SCHIP1: variants seen among roughly 807,000 people sequenced by gnomAD.
SCHIP1 encodes schwannomin interacting protein 1.
In SCHIP1, 8 loss-of-function variants were observed where a neutral mutation model predicts 29.7. The observed-to-expected ratio is 0.27, with a 90% confidence interval of 0.16 to 0.49. SCHIP1 has a LOEUF of 0.49. SCHIP1 is among the 20% of genes least tolerant of loss of function. The probability of loss-of-function intolerance (pLI) is 0.99; values close to 1 mark genes in which losing one functional copy is unlikely to be tolerated. For synonymous variants in SCHIP1, 76 were observed against 94.9 expected (o/e 0.80, Z 1.16); for missense variants, 193 against 294.6 (o/e 0.66, Z 2.52).
chr3:159,558,038 T>C, the SCHIP1 span, among the ~76,000 whole-genome samples: 1 of 152,150 alleles, frequency 6.6e-6, no homozygotes, highest in African/African-American at 2.4e-5. Flanking sequence ...TCAAGAACAA[T>C]GTTGAGCCTA....
the SCHIP1 span, among the ~76,000 whole-genome samples, chr3:159,727,262 C>T: frequency 8.0e-4 from 122 of 152,326 alleles, 1 homozygote; most frequent in African/African-American, 2.8e-3. Context: ...CACCCAGTCA[C>T]CTCTTTCATG....
chr3:159,601,063 C>T, the SCHIP1 span, among the ~76,000 whole-genome samples: 1 of 152,184 alleles, frequency 6.6e-6, no homozygotes. Context: ...GTGGTCTGAC[C>T]ATACCTGTCT....
chr3:159,892,119 G>C, exon 6 of SCHIP1: 1 of 1,613,698 alleles, frequency 6.2e-7, no homozygotes, highest in Non-Finnish European at 8.5e-7. Flanking sequence ...AGTTGGTCCA[G>C]CTGCTTCTCA....
chr3:159,755,367 C>G, the SCHIP1 span, among the ~76,000 whole-genome samples: 60 of 152,278 alleles, frequency 3.9e-4, 1 homozygote, highest in East Asian at 0.012. Context: ...AAAAAGAGAG[C>G]TTGTGCAGAG....
At chr3:159,571,769 G>A in the SCHIP1 span, among the ~76,000 whole-genome samples, 3 of 152,084 alleles carry the variant, frequency 2.0e-5, no homozygotes, top group Non-Finnish European at 2.9e-5. Context: ...ACTTTTTTTG[G>A]TTGGTAGGCT....
the SCHIP1 span, among the ~76,000 whole-genome samples, chr3:159,433,042 G>T: frequency 6.6e-6 from 1 of 152,124 alleles, no homozygotes; most frequent in Non-Finnish European, 1.5e-5. Flanking sequence ...AAAAAGAGAA[G>T]AATTTGCCCC....
chr3:159,437,628 G>A, the SCHIP1 span, among the ~76,000 whole-genome samples: 1,813 of 151,684 alleles, frequency 0.012, 47 homozygotes, highest in African/African-American at 0.042. Flanking sequence ...ATCTCCATTC[G>A]TCTTTTAAAA....
chr3:159,828,580 A>AT, the SCHIP1 span, among the ~76,000 whole-genome samples: 63 of 149,972 alleles, frequency 4.2e-4, no homozygotes, highest in Non-Finnish European at 8.0e-4. Flanking sequence ...TACTTTTGAC[A>AT]TTTTTTTTTC....
At chr3:159,538,797 T>G in the SCHIP1 span, among the ~76,000 whole-genome samples, 2 of 152,108 alleles carry the variant, frequency 1.3e-5, no homozygotes, top group Non-Finnish European at 2.9e-5. Flanking sequence ...AAGTAAAAAG[T>G]CAACATTATG....
At chr3:159,615,125 G>A in the SCHIP1 span, among the ~76,000 whole-genome samples, 1 of 152,196 alleles carries the variant, frequency 6.6e-6, no homozygotes, top group Non-Finnish European at 1.5e-5. Context: ...CAAGAACGGG[G>A]TAGAGGTAAG....
chr3:159,288,729 GAAGA>G, the SCHIP1 span, among the ~76,000 whole-genome samples: 1 of 152,188 alleles, frequency 6.6e-6, no homozygotes, highest in African/African-American at 2.4e-5. Flanking sequence ...ACTCGGTCTT[GAAGA>G]AAGAAAGAAT....
At chr3:159,273,718 A>G in the SCHIP1 span, 4 of 1,529,740 alleles carry the variant, frequency 2.6e-6, no homozygotes, top group Non-Finnish European at 3.5e-6. Flanking sequence ...TTTTTAGACA[A>G]CCTTACTAGC....
At chr3:159,762,024 C>A in the SCHIP1 span, among the ~76,000 whole-genome samples, 2 of 152,158 alleles carry the variant, frequency 1.3e-5, no homozygotes, top group African/African-American at 4.8e-5. Flanking sequence ...CTAAGCCATG[C>A]CATGTCATAT....
chr3:159,371,673 G>T, the SCHIP1 span, among the ~76,000 whole-genome samples: 14 of 152,296 alleles, frequency 9.2e-5, no homozygotes, highest in Non-Finnish European at 2.1e-4. Context: ...ATTCACGGAT[G>T]CTGAGGACTC....
chr3:159,354,874 G>A, the SCHIP1 span, among the ~76,000 whole-genome samples: 1 of 152,168 alleles, frequency 6.6e-6, no homozygotes, highest in South Asian at 2.1e-4. Flanking sequence ...CTTCATGGCA[G>A]TATTAAAAGA....
chr3:159,861,828 GTT>G lies in SCHIP1; in HGVS notation c.31-4332_31-4331del, dbSNP rs1301972696. 1.3e-5 allele frequency among the ~76,000 whole-genome samples: 2 copies of G among 152,194 alleles called. No homozygotes were observed. Among genetic ancestry groups the G allele is most frequent in the Non-Finnish European group, 2.9e-5 (2 of 68,032 alleles). ...GTCATAAGTGCAGCCAGACAGTGGT[GTT>G]TTGAGTCAGCCTCTTCCTTTTCCTG... On this transcript the variant is annotated intron_variant, in intron 1 of 6. Transcript: ENST00000445224. This position sits in a 1 kb window ranked among gnomAD's most constrained non-coding sequence, Gnocchi z 4.1.
chr3:159,596,853 C>T, the SCHIP1 span, among the ~76,000 whole-genome samples: 78 of 151,728 alleles, frequency 5.1e-4, no homozygotes, highest in African/African-American at 1.7e-3. Flanking sequence ...ATGTAAATGA[C>T]GAGTTAACAG....
chr3:159,527,536 G>A, the SCHIP1 span, among the ~76,000 whole-genome samples: 1 of 152,074 alleles, frequency 6.6e-6, no homozygotes, highest in African/African-American at 2.4e-5. Context: ...AATTCCCACT[G>A]GATTAAATTG....
chr3:159,489,108 G>A, the SCHIP1 span, among the ~76,000 whole-genome samples: 1 of 152,176 alleles, frequency 6.6e-6, no homozygotes, highest in African/African-American at 2.4e-5. Context: ...TTGATTAAGT[G>A]ATAAGAAAGT....
Sources: allele counts gnomAD v4.1 joint callset (sites outside exome capture counted in the v4.1 genomes callset), GRCh38; gene constraint gnomAD v4.1.1; non-coding constraint Gnocchi (gnomAD v3.1); transcripts MANE v1.5; gene names NCBI Gene and HGNC (gene_info 2026-07-23, HGNC 2026-07-21).